Variants in PDE1A observed in about 807,000 individuals in gnomAD.
The protein encoded by PDE1A is dual specificity calcium/calmodulin-dependent 3',5'-cyclic nucleotide phosphodiesterase 1A.
In PDE1A, 35 loss-of-function variants were observed where a neutral mutation model predicts 61.7. That is an observed-to-expected ratio of 0.57 (90% CI 0.43 to 0.75). The LOEUF (loss-of-function observed/expected upper bound fraction) is 0.75, where lower values mean the gene tolerates loss of function less well. Among genes scored for constraint, PDE1A ranks in the 30% least tolerant of loss-of-function variants. The pLI is 0.00. For missense variants in PDE1A, 597 were observed against 630.6 expected, an observed-to-expected ratio of 0.95 and a Z score of 0.57; for synonymous variants, 232 against 213.2, an observed-to-expected ratio of 1.09 and a Z score of -0.77.
At chr2:182,231,569 A>C (rs931771418) in intron 4 of PDE1A, among the ~76,000 whole-genome samples, 10 of 125,784 alleles carry the variant, frequency 8.0e-5, no homozygotes, top group African/African-American at 3.0e-4. Flanking sequence ...TTGAAATTTC[A>C]CCATAAGAGT....
At chr2:182,293,354 TA>T (rs1396094681) in intron 1 of PDE1A, among the ~76,000 whole-genome samples, 1 of 152,084 alleles carries the variant, frequency 6.6e-6, no homozygotes, top group African/African-American at 2.4e-5. Flanking sequence ...GCTTTGATTT[TA>T]AAAAAAATCT....
At chr2:182,560,774 T>A in the PDE1A span, among the ~76,000 whole-genome samples, 1 of 151,882 alleles carries the variant, frequency 6.6e-6, no homozygotes, top group African/African-American at 2.4e-5. Context: ...TGTGAGATGG[T>A]ATCTCATTGT....
At chr2:182,264,878 C>CACATATATAT (rs1553560265) in intron 1 of PDE1A, among the ~76,000 whole-genome samples, 1 of 106,878 alleles carries the variant, frequency 9.4e-6, no homozygotes, top group African/African-American at 3.7e-5. Flanking sequence ...TATATATATA[C>CACATATATAT]ATATATATAT....
At chr2:182,155,883 C>T (rs1574509918) in intron 13 of PDE1A, among the ~76,000 whole-genome samples, 1 of 152,066 alleles carries the variant, frequency 6.6e-6, no homozygotes, top group East Asian at 1.9e-4. Flanking sequence ...AAGAGAGAAA[C>T]TCCGTCTCAA....
At chr2:182,140,420 T>C (rs1333594790) in exon 15 of PDE1A, 1 of 152,224 alleles carries the variant, frequency 6.6e-6, no homozygotes, top group South Asian at 2.1e-4. Context: ...TTTCCCCCAA[T>C]TTCTCCAACT....
At chr2:182,431,121 T>TAAAAAAAAAAAAAAAAAA (rs538631665), upstream of PDE1A, among the ~76,000 whole-genome samples, 1 of 121,518 alleles carries the variant, frequency 8.2e-6, no homozygotes, top group Non-Finnish European at 1.7e-5. Flanking sequence ...AAAAAAACAT[T>TAAAAAAAAAAAAAAAAAA]AAAAAAAAAA....
At chr2:182,622,227 T>C in the PDE1A span, among the ~76,000 whole-genome samples, 42 of 152,340 alleles carry the variant, frequency 2.8e-4, no homozygotes, top group African/African-American at 8.9e-4. Flanking sequence ...TTCTAAACCC[T>C]AGCTGCATAT....
chr2:182,162,228 T>C (rs13424577), intron 13 of PDE1A, among the ~76,000 whole-genome samples: 2 of 152,130 alleles, frequency 1.3e-5, no homozygotes, highest in African/African-American at 2.4e-5. Flanking sequence ...TGGGAATAAT[T>C]GGATCCCTGG....
chr2:182,601,332 G>A, the PDE1A span, among the ~76,000 whole-genome samples: 13 of 152,240 alleles, frequency 8.5e-5, no homozygotes, highest in African/African-American at 3.1e-4. Flanking sequence ...ACTGCAAGCA[G>A]CTTTCCCAAC....
chr2:182,419,094 A>T (rs1184464063), intron 1 of PDE1A, among the ~76,000 whole-genome samples: 2 of 152,026 alleles, frequency 1.3e-5, no homozygotes, highest in Non-Finnish European at 1.5e-5. Context: ...CATTGTACTG[A>T]TAGGAAGACA....
chr2:182,506,457 T>A (rs901030212), intron 2 of PDE1A, among the ~76,000 whole-genome samples: 1 of 152,192 alleles, frequency 6.6e-6, no homozygotes, highest in Non-Finnish European at 1.5e-5. Flanking sequence ...TGCTAAACTG[T>A]TCTTATAATA....
At chr2:182,348,002 A>G (rs1367520504) in intron 1 of PDE1A, among the ~76,000 whole-genome samples, 1 of 152,168 alleles carries the variant, frequency 6.6e-6, no homozygotes, top group African/African-American at 2.4e-5. Flanking sequence ...TCCACAAATG[A>G]AGTGACACAT....
chr2:182,251,959 G>A (rs968153422), intron 2 of PDE1A, among the ~76,000 whole-genome samples: 1 of 152,202 alleles, frequency 6.6e-6, no homozygotes, highest in Non-Finnish European at 1.5e-5. Context: ...AGACAAGAGT[G>A]TAAGGGGAGA....
In PDE1A at chr2:182,231,005, T is replaced by C. The variant is rs1272625422; in HGVS notation, c.534+10A>G. On this transcript the variant is annotated intron_variant, in intron 5 of 13. Transcript: ENST00000351439. ...CTAAGAGCATTTCACTTTTGTTCCA[T>C]GTTTCTGACCTTGAAACGGTTGATA... The C allele has an allele frequency of 5.3e-6, 7 of 1,331,812 alleles. No homozygotes were observed. The highest frequency in any genetic ancestry group is 1.5e-5 in the African/African-American group (1 of 68,344). 82.5% of individuals were successfully genotyped at this position (1,331,812 alleles called of 1,614,324 possible). A position where few individuals can be genotyped will look rare whatever the true frequency, so the allele number is the denominator to read the frequency against.
At chr2:182,274,683 T>G (rs1693278134) in intron 1 of PDE1A, among the ~76,000 whole-genome samples, 1 of 151,932 alleles carries the variant, frequency 6.6e-6, no homozygotes, top group Admixed American at 6.6e-5. Flanking sequence ...TGATTGATTC[T>G]CTCTCTCTCT....
At chr2:182,189,195 C>A (rs1297366488) in intron 10 of PDE1A, 135 bp from the exon 11 acceptor site, 5 of 535,186 alleles carry the variant, frequency 9.3e-6, no homozygotes, top group African/African-American at 7.8e-5. Flanking sequence ...TTTATAAAAC[C>A]AAAAGCTATG....
the PDE1A span, among the ~76,000 whole-genome samples, chr2:182,627,602 G>A: frequency 2.8e-3 from 422 of 151,020 alleles, 1 homozygote; most frequent in African/African-American, 1.0e-2. Flanking sequence ...TATTTGCTGT[G>A]CTTACCTAAA....
chr2:182,412,385 T>C (rs1378411569), intron 1 of PDE1A, among the ~76,000 whole-genome samples: 1 of 152,200 alleles, frequency 6.6e-6, no homozygotes, highest in Non-Finnish European at 1.5e-5. Flanking sequence ...TGAAATCAAG[T>C]GGACCTCGCT....
intron 1 of PDE1A, among the ~76,000 whole-genome samples, chr2:182,371,622 T>C (rs1207800524): frequency 1.3e-5 from 2 of 152,208 alleles, no homozygotes; most frequent in South Asian, 2.1e-4. Context: ...TGGGAGGTCA[T>C]GGATGCTCTT....
Sources: allele counts gnomAD v4.1 joint callset (sites outside exome capture counted in the v4.1 genomes callset), GRCh38; gene constraint gnomAD v4.1.1; transcripts MANE v1.5; gene names NCBI Gene and HGNC (gene_info 2026-07-23, HGNC 2026-07-21).